The following CCDC171 variants were observed in gnomAD, a reference collection of about 807,000 sequenced individuals.
CCDC171 encodes coiled-coil domain-containing protein 171.
In CCDC171, 177 loss-of-function variants were observed where a neutral mutation model predicts 168.2. That is an observed-to-expected ratio of 1.05 (90% CI 0.93 to 1.19). The LOEUF (loss-of-function observed/expected upper bound fraction) is 1.19, where lower values mean the gene tolerates loss of function less well. Ranked by LOEUF, CCDC171 falls within the 50% of genes most tolerant of loss-of-function variation. CCDC171 has a pLI of 0.00. For synonymous variants in CCDC171, 687 were observed against 540.8 expected (o/e 1.27, Z -3.75); for missense variants, 1,991 against 1,539.0 (o/e 1.29, Z -4.91).
intron 25 of CCDC171, among the ~76,000 whole-genome samples, chr9:15,937,135 AT>A (rs1174650682): frequency 6.6e-6 from 1 of 152,036 alleles, no homozygotes; most frequent in African/African-American, 2.4e-5. Flanking sequence ...CAAATCCAGC[AT>A]GTTGGTTTAA....
At chr9:16,026,388 T>TTGG (rs1833274961) in intron 6 of CCDC171, among the ~76,000 whole-genome samples, 1 of 152,180 alleles carries the variant, frequency 6.6e-6, no homozygotes, top group Non-Finnish European at 1.5e-5. Flanking sequence ...GTCCCTGGAT[T>TTGG]TGGGGTGGGA....
intron 10 of CCDC171, among the ~76,000 whole-genome samples, chr9:15,694,247 A>T (rs984041183): frequency 1.3e-5 from 2 of 152,146 alleles, no homozygotes; most frequent in African/African-American, 4.8e-5. Flanking sequence ...CTTTAAGGCA[A>T]GTTTCAGACA....
In CCDC171 at chr9:15,636,388, A is replaced by G. The variant is rs149484152; in HGVS notation, c.822+12975A>G. 2.0e-3 allele frequency among the ~76,000 whole-genome samples: 302 copies of G among 152,290 alleles called. 2 individuals carry two copies. The highest frequency in any genetic ancestry group is 6.9e-3 in the African/African-American group (288 of 41,562). On this transcript the variant is annotated intron_variant, in intron 7 of 25. Transcript: ENST00000380701. ...GTGCTGAACATCTTTTTAGGCCAAT[A>G]AATTCAGGAATTCATTATATTTTAT...
intron 6 of CCDC171, among the ~76,000 whole-genome samples, chr9:15,602,050 C>A (rs558589313): frequency 4.6e-5 from 7 of 152,078 alleles, no homozygotes; most frequent in African/African-American, 1.7e-4. Context: ...GAATATGCTC[C>A]CTAGTTACTA....
chr9:15,661,597 C>T (rs1363160421), intron 8 of CCDC171, among the ~76,000 whole-genome samples: 1 of 152,160 alleles, frequency 6.6e-6, no homozygotes, highest in Non-Finnish European at 1.5e-5. Context: ...GGTTTCAGAG[C>T]AGTTTAATGG....
intron 24 of CCDC171, chr9:15,883,021 C>CTGCCTG (rs1563932755): frequency 1.1e-5 from 3 of 270,854 alleles, no homozygotes; most frequent in African/African-American, 3.5e-5. Flanking sequence ...TTCCTTCCTC[C>CTGCCTG]CCTCCCCTCC....
chr9:15,697,537 C>T (rs1321613224), intron 11 of CCDC171, among the ~76,000 whole-genome samples: 1 of 152,100 alleles, frequency 6.6e-6, no homozygotes, highest in Non-Finnish European at 1.5e-5. Context: ...ATAATGGACT[C>T]TGTTTCTGCT....
intron 18 of CCDC171, among the ~76,000 whole-genome samples, chr9:15,765,316 G>T (rs2056662199): frequency 6.6e-6 from 1 of 151,880 alleles, no homozygotes; most frequent in African/African-American, 2.4e-5. Context: ...TAAGATGAGG[G>T]GTAATTCAAT....
intron 21 of CCDC171, among the ~76,000 whole-genome samples, chr9:15,794,191 A>C (rs976911993): frequency 1.3e-5 from 2 of 152,180 alleles, no homozygotes; most frequent in African/African-American, 2.4e-5. Flanking sequence ...TGGACCGGGC[A>C]TAGTGGCTCA....
At chr9:15,868,294 A>C (rs911746566) in intron 23 of CCDC171, among the ~76,000 whole-genome samples, 7 of 152,024 alleles carry the variant, frequency 4.6e-5, no homozygotes, top group Non-Finnish European at 8.8e-5. Context: ...GTGCCAATGG[A>C]ATGCCTGCTT....
chr9:15,790,524 A>T (rs879780725), intron 21 of CCDC171, among the ~76,000 whole-genome samples: 5 of 152,014 alleles, frequency 3.3e-5, no homozygotes, highest in Admixed American at 3.3e-4. Context: ...AGATTGCAAA[A>T]TTTTTCTCCC....
At chr9:15,806,566 A>G (rs1049420657) in intron 21 of CCDC171, among the ~76,000 whole-genome samples, 2 of 152,122 alleles carry the variant, frequency 1.3e-5, no homozygotes, top group Non-Finnish European at 2.9e-5. Context: ...TAGGCCTCCA[A>G]TCTGTTCTTG....
intron 25 of CCDC171, among the ~76,000 whole-genome samples, chr9:15,964,281 A>G (rs572895214): frequency 6.6e-6 from 1 of 152,290 alleles, no homozygotes; most frequent in African/African-American, 2.4e-5. Context: ...TAAGAAAATT[A>G]CTTGTATGGG....
At chr9:15,732,823 A>ATTATATGGTAAGTGTATATTTATATGG (rs1588185881) in intron 16 of CCDC171, among the ~76,000 whole-genome samples, 2 of 152,194 alleles carry the variant, frequency 1.3e-5, no homozygotes, top group South Asian at 2.1e-4. Context: ...TGATTTCTAG[A>ATTATATGGTAAGTGTATATTTATATGG]TTATATGGTA....
intron 21 of CCDC171, among the ~76,000 whole-genome samples, chr9:15,833,662 CT>C (rs1390727385): frequency 6.6e-6 from 1 of 152,132 alleles, no homozygotes; most frequent in Non-Finnish European, 1.5e-5. Flanking sequence ...ACTTATAAAC[CT>C]CCAATGTGGA....
chr9:15,637,181 G>A (rs954868284), intron 7 of CCDC171, among the ~76,000 whole-genome samples: 12 of 152,142 alleles, frequency 7.9e-5, no homozygotes, highest in African/African-American at 2.9e-4. Flanking sequence ...ACTTGAACCT[G>A]GGAGGTGGAG....
intron 18 of CCDC171, among the ~76,000 whole-genome samples, chr9:15,753,667 G>C (rs1374353449): frequency 1.3e-5 from 2 of 152,100 alleles, no homozygotes; most frequent in Non-Finnish European, 2.9e-5. Context: ...TAGGAGCAGA[G>C]GTGCCTTTGA....
chr9:15,583,348 G>A (rs1431577514), intron 4 of CCDC171, among the ~76,000 whole-genome samples: 2 of 147,354 alleles, frequency 1.4e-5, no homozygotes, highest in Non-Finnish European at 3.0e-5. Context: ...GGAGGCAGAG[G>A]TTGCAGTGAG....
chr9:16,016,403 C>T (rs867306466), intron 3 of CCDC171, among the ~76,000 whole-genome samples: 3 of 152,012 alleles, frequency 2.0e-5, no homozygotes, highest in African/African-American at 2.4e-5. Context: ...AGGCAGGTGC[C>T]CAATATATAT....
Sources: gnomAD v4.1 joint callset for allele counts (sites outside exome capture counted in the v4.1 genomes callset) on GRCh38, gnomAD v4.1.1 for gene constraint, MANE v1.5 for transcripts, NCBI Gene and HGNC (gene_info 2026-07-23, HGNC 2026-07-21) for gene names.